KMT5B: variants seen among roughly 807,000 people sequenced by gnomAD.
KMT5B encodes histone-lysine N-methyltransferase KMT5B.
A neutral mutation model predicts 83.2 loss-of-function variants in KMT5B; 10 were observed. That is an observed-to-expected ratio of 0.12 (90% CI 0.07 to 0.20). The LOEUF is 0.20. Ranked by LOEUF, KMT5B falls within the 10% of genes least tolerant of loss-of-function variation. The probability of loss-of-function intolerance (pLI) is 1.00; values close to 1 mark genes in which losing one functional copy is unlikely to be tolerated. For synonymous variants in KMT5B, 349 were observed against 388.8 expected, an observed-to-expected ratio of 0.90 and a Z score of 1.20; for missense variants, 753 against 1,067.2, an observed-to-expected ratio of 0.71 and a Z score of 4.10.
At chr11:68,166,930 A>T in intron 10 of KMT5B, 52 bp downstream of exon 10, 2 of 1,603,162 alleles carry the variant, frequency 1.2e-6, no homozygotes, top group Non-Finnish European at 1.7e-6. Flanking sequence ...TATAAAGCAA[A>T]TTGTGTGAAA....
intron 1 of KMT5B, among the ~76,000 whole-genome samples, chr11:68,210,603 T>C (rs962334380): frequency 2.0e-5 from 3 of 152,172 alleles, no homozygotes; most frequent in African/African-American, 7.2e-5. Flanking sequence ...TACACTTCTA[T>C]ACAGCAGTCA....
intron 1 of KMT5B, among the ~76,000 whole-genome samples, chr11:68,211,833 T>TA (rs1306035733): frequency 6.6e-6 from 1 of 152,088 alleles, no homozygotes; most frequent in Admixed American, 6.6e-5. Context: ...GTCGAATGTT[T>TA]AGAGATTACA....
intron 10 of KMT5B, chr11:68,166,606 A>G (rs1039792220): frequency 2.2e-5 from 22 of 1,015,300 alleles, no homozygotes; most frequent in South Asian, 4.2e-5. Flanking sequence ...CTGGCTAGGC[A>G]CTGGAATGTA....
chr11:68,159,215 A>G, intron 10 of KMT5B, 44 bp from the exon 11 acceptor site: 1 of 1,509,210 alleles, frequency 6.6e-7, no homozygotes, highest in Non-Finnish European at 8.8e-7. Flanking sequence ...TGGTAACAGC[A>G]GAGTTCAAGA....
intron 1 of KMT5B, among the ~76,000 whole-genome samples, chr11:68,203,313 G>A (rs966355107): frequency 3.3e-5 from 5 of 152,208 alleles, no homozygotes; most frequent in Non-Finnish European, 5.9e-5. Context: ...CACAAGACCA[G>A]ACATAGGTCC....
chr11:68,181,215 C>T (rs1031545958), intron 3 of KMT5B, among the ~76,000 whole-genome samples: 4 of 151,958 alleles, frequency 2.6e-5, no homozygotes, highest in Non-Finnish European at 4.4e-5. Flanking sequence ...GCTGGGATTA[C>T]GGGCACGCAC....
intron 4 of KMT5B, among the ~76,000 whole-genome samples, chr11:68,177,834 G>GA (rs1856527911): frequency 6.6e-6 from 1 of 152,154 alleles, no homozygotes; most frequent in African/African-American, 2.4e-5. Context: ...GTAGAATTGG[G>GA]AAAGCATCCA....
Position 68,158,545 on chromosome 11 carries a change from T to C in KMT5B, c.1801A>G (p.Lys601Glu), listed in dbSNP as rs1357062118. 3 of 1,614,074 alleles carry C rather than the reference T, an allele frequency of 1.9e-6. No homozygotes were observed. Among genetic ancestry groups the C allele is most frequent in the East Asian group, 2.2e-5 (1 of 44,894 alleles). Residue 601 changes from lysine to glutamate, a missense_variant, in exon 11 of 11, where the codon AAG becomes GAG. Lys to Glu is a moderately conservative substitution (Grantham distance 56). Transcript: ENST00000304363. The stretch of plus-strand genomic sequence containing the variant: ...ATGCCTGTGTCACTCTTATGACACT[T>C]TGCCTCCCCTTTTTGTGCAGTCTCA... ...AHETAQKGEAKCHKSDTGMSK... is the reference protein window; with the variant it reads ...AHETAQKGEAECHKSDTGMSK...
In KMT5B at chr11:68,166,998, C is replaced by G; in HGVS notation, c.1158G>C (p.Gln386His). The change falls in exon 10 of 11, where the codon CAG becomes CAC. Residue 386 changes from glutamine to histidine, a missense_variant. Around this residue, in one of 9 missense-constraint regions of KMT5B, gnomAD observed 397 missense variants for 395.9 expected, o/e 1.00. Coordinates refer to ENST00000304363, the MANE Select transcript of KMT5B (RefSeq NM_017635.5). ...VSSNTDADTTQEKNNATSNRK... is the reference protein window; with the variant it reads ...VSSNTDADTTHEKNNATSNRK... ...CTTACTTACTTGCATTGTTTTTTTC[C>G]TGAGTGGTATCTGCATCAGTGTTAG... The G allele has an allele frequency of 6.2e-7, 1 of 1,613,580 alleles. No individual in the cohort carries two copies. Among genetic ancestry groups the G allele is most frequent in the Middle Eastern group, 1.7e-4 (1 of 6,034 alleles).
chr11:68,192,005 ATT>A (rs1462544324), intron 1 of KMT5B, among the ~76,000 whole-genome samples: 1 of 152,220 alleles, frequency 6.6e-6, no homozygotes, highest in Non-Finnish European at 1.5e-5. Context: ...AACAAATAAT[ATT>A]GTGTTACCAG....
intron 4 of KMT5B, 68 bp from the exon 5 acceptor site, chr11:68,175,251 GA>G: frequency 7.6e-7 from 1 of 1,307,864 alleles, no homozygotes; most frequent in Non-Finnish European, 1.1e-6. Flanking sequence ...CATCTTAACA[GA>G]TCTTGAGAAA....
chr11:68,210,254 G>C (rs1412378713), intron 1 of KMT5B, among the ~76,000 whole-genome samples: 1 of 152,008 alleles, frequency 6.6e-6, no homozygotes, highest in Non-Finnish European at 1.5e-5. Context: ...TTTGGGGGGG[G>C]GGACACTGAT....
In KMT5B at chr11:68,158,496, C is replaced by T; in HGVS notation, c.1850G>A (p.Gly617Glu). 6.2e-7 allele frequency: 1 copy of T among 1,614,166 alleles called. No homozygotes were observed. Residue 617 changes from glycine to glutamate, a missense_variant, in exon 11 of 11, where the codon GGA (glycine) becomes GAA (glutamate). Gly to Glu is a moderately conservative substitution (Grantham distance 98). Around this residue, in one of 9 missense-constraint regions of KMT5B, gnomAD observed 397 missense variants for 395.9 expected, o/e 1.00. Transcript: ENST00000304363. ...TGMSKKKSRQ[G>E]KLVKQFAKIE... ...TTTTGCAAACTGTTTCACAAGTTTT[C>T]CTTGTCGTGACTTCTTTTTGGACAT...
In KMT5B at chr11:68,171,424, T is replaced by C. The variant is rs1269095451; in HGVS notation, c.820+119A>G. 4.6e-6 allele frequency: 6 copies of C among 1,307,092 alleles called. No individual in the cohort carries two copies. The African/African-American group carries it at 9.0e-5, about 20-fold the overall frequency. The allele number at this position is 1,307,092 out of a possible 1,614,324, so 81.0% of individuals were successfully genotyped here. A position where few individuals can be genotyped will look rare whatever the true frequency, so the allele number is the denominator to read the frequency against. On this transcript the variant is annotated intron_variant, in intron 7 of 10. Coordinates refer to ENST00000304363, the MANE Select transcript of KMT5B (RefSeq NM_017635.5). This position sits in a 1 kb window ranked among gnomAD's most constrained non-coding sequence, Gnocchi z 5.1. ...TTATTTTAATAAGTTTGTGGAAACA[T>C]TTCTATTTCAAATTCTCCTTTAAAG...
chr11:68,159,391 G>A (rs1274834747), intron 10 of KMT5B, among the ~76,000 whole-genome samples: 1 of 152,168 alleles, frequency 6.6e-6, no homozygotes, highest in Non-Finnish European at 1.5e-5. Flanking sequence ...TTTGAGGTAA[G>A]TAGTTGCACG....
intron 1 of KMT5B, among the ~76,000 whole-genome samples, chr11:68,206,275 A>G (rs760182911): frequency 6.6e-6 from 1 of 152,192 alleles, no homozygotes; most frequent in Non-Finnish European, 1.5e-5. Flanking sequence ...TTTCTCTAGG[A>G]CTCAAACAGC....
chr11:68,175,536 A>G (rs967652807), intron 4 of KMT5B, among the ~76,000 whole-genome samples: 4 of 152,222 alleles, frequency 2.6e-5, no homozygotes, highest in African/African-American at 4.8e-5. Context: ...TCTGATTCAG[A>G]CTTACACTAG....
chr11:68,203,042 C>A (rs1026213483), intron 1 of KMT5B, among the ~76,000 whole-genome samples: 1 of 152,110 alleles, frequency 6.6e-6, no homozygotes. Flanking sequence ...GTGGCACGAT[C>A]TCAGCTCACT....
At chr11:68,175,263 G>A (rs928665387) in intron 4 of KMT5B, 80 bp from the exon 5 acceptor site, 2 of 1,121,236 alleles carry the variant, frequency 1.8e-6, no homozygotes, top group East Asian at 4.8e-5. Context: ...TCTTGAGAAA[G>A]AGCTAATACC....
Sources: allele counts gnomAD v4.1 joint callset (sites outside exome capture counted in the v4.1 genomes callset), GRCh38; gene constraint gnomAD v4.1.1; regional missense constraint gnomAD v4.1.1; non-coding constraint Gnocchi (gnomAD v3.1); transcripts MANE v1.5; gene names NCBI Gene and HGNC (gene_info 2026-07-23, HGNC 2026-07-21).